The following FBN1 variants were observed in gnomAD, a reference collection of about 807,000 sequenced individuals.
FBN1 encodes fibrillin-1.
A neutral mutation model predicts 365.1 loss-of-function variants in FBN1; 29 were observed. That is an observed-to-expected ratio of 0.08 (90% CI 0.06 to 0.11). The LOEUF is 0.11. Ranked by LOEUF, FBN1 falls within the 10% of genes least tolerant of loss-of-function variation. FBN1 has a pLI of 1.00. For missense variants in FBN1, 2,476 were observed against 3,703.2 expected (o/e 0.67, Z 8.60); for synonymous variants, 1,210 against 1,270.5 (o/e 0.95, Z 1.01).
chr15:48,453,717 A>G (rs1472874213), intron 44 of FBN1, among the ~76,000 whole-genome samples: 3 of 152,140 alleles, frequency 2.0e-5, no homozygotes, highest in African/African-American at 4.8e-5. Context: ...CTGATGGAGG[A>G]TGCTGATGAT....
intron 6 of FBN1, among the ~76,000 whole-genome samples, chr15:48,541,241 G>A (rs2044055497): frequency 2.0e-5 from 3 of 152,154 alleles, no homozygotes; most frequent in African/African-American, 4.8e-5. Context: ...AGTCCACAGG[G>A]ATCCAATTTA....
chr15:48,593,624 T>A (rs2044496062), intron 6 of FBN1, among the ~76,000 whole-genome samples: 1 of 152,172 alleles, frequency 6.6e-6, no homozygotes, highest in African/African-American at 2.4e-5. Context: ...ATCCGATCAT[T>A]ATATCTCCAG....
intron 2 of FBN1, among the ~76,000 whole-genome samples, chr15:48,637,321 A>C (rs1248133274): frequency 6.6e-6 from 1 of 152,168 alleles, no homozygotes; most frequent in Non-Finnish European, 1.5e-5. Flanking sequence ...AGAATCCTTT[A>C]CTAGCTCCCC....
chr15:48,491,375 G>C (rs183540184), intron 24 of FBN1, among the ~76,000 whole-genome samples: 1 of 150,380 alleles, frequency 6.6e-6, no homozygotes, highest in African/African-American at 2.4e-5. Flanking sequence ...TTTAGAGACG[G>C]AGTCTCACTC....
chr15:48,444,683 AG>A (rs778532047), intron 48 of FBN1, 23 bp from the exon 49 acceptor site: 14 of 1,612,854 alleles, frequency 8.7e-6, no homozygotes, highest in African/African-American at 1.3e-5. Context: ...GGGAAAAATA[AG>A]GAAGAGGTTC....
Position 48,596,320 on chromosome 15 carries a change from T to A in FBN1, c.501A>T (p.Ala167=). 1 of 1,614,090 alleles carries A rather than the reference T, an allele frequency of 6.2e-7. No homozygotes were observed. Among genetic ancestry groups the A allele is most frequent in the East Asian group, 2.2e-5 (1 of 44,880 alleles). ...GGGGTCCAGTAAATCCGTAAGTGCA[T>A]GCACATCGATTTGGGGCCACACACC... ...GGRCVAPNRC[A]CTYGFTGPQC... The change falls in exon 6 of 66, where the codon GCA becomes GCT. Residue 167 remains alanine, a synonymous_variant. Coordinates refer to ENST00000316623, the MANE Select transcript of FBN1 (RefSeq NM_000138.5).
At chr15:48,491,541 C>T (rs551248021) in intron 24 of FBN1, among the ~76,000 whole-genome samples, 85 of 152,112 alleles carry the variant, frequency 5.6e-4, no homozygotes, top group African/African-American at 1.5e-3. Context: ...TTAGTAGAAA[C>T]GGGGTTTCAC....
At position 48,415,548 on chromosome 15, in the gene FBN1, C is replaced by T. The variant is rs748934203; in HGVS notation, c.8039G>A (p.Arg2680His). The T allele has an allele frequency of 2.5e-6, 4 of 1,613,162 alleles. No homozygotes were observed. The highest frequency in any genetic ancestry group is 1.3e-5 in the African/African-American group (1 of 74,900). The change falls in exon 64 of 66, where the codon CGC becomes CAC. Residue 2680 changes from arginine to histidine, a missense_variant. This residue lies in a region of FBN1 where 1,780 missense variants were observed against 2,840.8 expected (regional missense o/e 0.63). Transcript: ENST00000316623. The stretch of plus-strand genomic sequence containing the variant: ...GAGCACTGCTTACCCTTGGCCTATG[C>T]GGAAGTAACCAGGTGGACAGCCACA... ...YLCGCPPGYF[R>H]IGQGHCVSGM...
intron 58 of FBN1, among the ~76,000 whole-genome samples, chr15:48,426,931 C>T (rs945679941): frequency 2.0e-5 from 3 of 152,152 alleles, no homozygotes; most frequent in Admixed American, 6.5e-5. Flanking sequence ...TCCCCTTTCA[C>T]TTCTAATTCC....
At chr15:48,539,698 G>A (rs565275107) in intron 6 of FBN1, among the ~76,000 whole-genome samples, 1 of 152,132 alleles carries the variant, frequency 6.6e-6, no homozygotes, top group Non-Finnish European at 1.5e-5. Context: ...CATGCCAAAA[G>A]ACAAGCCTAA....
intron 56 of FBN1, among the ~76,000 whole-genome samples, chr15:48,429,959 T>A (rs1483816508): frequency 6.6e-6 from 1 of 152,230 alleles, no homozygotes. Context: ...TAGGGTCAAA[T>A]AGGAAATATT....
chr15:48,435,778 G>GTGTATATATGTATATA, intron 53 of FBN1, among the ~76,000 whole-genome samples: 1 of 141,388 alleles, frequency 7.1e-6, no homozygotes, highest in East Asian at 2.1e-4. Flanking sequence ...GTATATGTGT[G>GTGTATATATGTATATA]TGTGTGTGTG....
At chr15:48,505,754 T>C (rs1284259679) in intron 15 of FBN1, among the ~76,000 whole-genome samples, 1 of 152,130 alleles carries the variant, frequency 6.6e-6, no homozygotes, top group Non-Finnish European at 1.5e-5. Flanking sequence ...CAAAGAAAAA[T>C]CTTTCTTAAA....
At chr15:48,419,947 G>A (rs2042927327) in intron 63 of FBN1, among the ~76,000 whole-genome samples, 1 of 152,232 alleles carries the variant, frequency 6.6e-6, no homozygotes, top group African/African-American at 2.4e-5. Context: ...TTCCAAGCAT[G>A]TCACAAAAGA....
chr15:48,428,541 T>G, intron 56 of FBN1, 70 bp from the exon 57 acceptor site: 2 of 1,507,496 alleles, frequency 1.3e-6, no homozygotes, highest in Non-Finnish European at 1.8e-6. Context: ...ATGGAGCTCC[T>G]TCCTTCGTTC....
chr15:48,434,504 T>G, intron 54 of FBN1, 90 bp downstream of exon 54: 1 of 1,500,382 alleles, frequency 6.7e-7, no homozygotes, highest in Non-Finnish European at 9.3e-7. Flanking sequence ...ATATACACCC[T>G]GAGTTGTATT....
Position 48,437,847 on chromosome 15 carries a change from G to A in FBN1, c.6234C>T (p.His2078=), listed in dbSNP as rs2141241514. 6.2e-7 allele frequency: 1 copy of A among 1,613,906 alleles called. No homozygotes were observed. Among genetic ancestry groups the A allele is most frequent in the Non-Finnish European group, 8.5e-7 (1 of 1,179,864 alleles). Residue 2078 remains histidine (H), a synonymous_variant, in exon 51 of 66, where the codon CAC becomes CAT. Coordinates refer to ENST00000316623, the MANE Select transcript of FBN1 (RefSeq NM_000138.5). The part of the protein sequence containing the change: ...GKCSSPKSRN[H]SKQECCCALK... ...AGGCACAGCAGCATTCCTGCTTGGAGTGATTTCTGGATTTGGGTGATGAAC... is the reference window on the plus strand; with the variant it reads ...AGGCACAGCAGCATTCCTGCTTGGAATGATTTCTGGATTTGGGTGATGAAC...
intron 6 of FBN1, among the ~76,000 whole-genome samples, chr15:48,592,269 C>G (rs2044483559): frequency 6.6e-6 from 1 of 152,128 alleles, no homozygotes; most frequent in Admixed American, 6.6e-5. Context: ...ACCCCACCCC[C>G]ATCTCCAAGT....
chr15:48,640,324 A>G (rs1890176166), intron 2 of FBN1, among the ~76,000 whole-genome samples: 1 of 152,096 alleles, frequency 6.6e-6, no homozygotes, highest in East Asian at 1.9e-4. Flanking sequence ...TCCTTTTTTA[A>G]AAAAAAATTG....
Sources: allele counts gnomAD v4.1 joint callset (sites outside exome capture counted in the v4.1 genomes callset), GRCh38; gene constraint gnomAD v4.1.1; regional missense constraint gnomAD v4.1.1; transcripts MANE v1.5; gene names NCBI Gene and HGNC (gene_info 2026-07-23, HGNC 2026-07-21).